TBC1D22A: variants seen among roughly 807,000 people sequenced by gnomAD.
The protein encoded by TBC1D22A is TBC1 domain family member 22A, also known as putative GTPase activator.
TBC1D22A carries 38 observed loss-of-function variants against 60.2 expected under a neutral mutation model. That is an observed-to-expected ratio of 0.63 (90% CI 0.49 to 0.83). The LOEUF (loss-of-function observed/expected upper bound fraction) is 0.83, where lower values mean the gene tolerates loss of function less well. TBC1D22A is among the 40% of genes least tolerant of loss of function. TBC1D22A has a pLI of 0.00. For missense variants in TBC1D22A, 628 were observed against 701.0 expected (o/e 0.90, Z 1.18); for synonymous variants, 302 against 281.7 (o/e 1.07, Z -0.72).
chr22:47,065,635 A>G (rs2063732085), intron 11 of TBC1D22A, among the ~76,000 whole-genome samples: 1 of 152,260 alleles, frequency 6.6e-6, no homozygotes, highest in South Asian at 2.1e-4. Context: ...CAGGCCTCGG[A>G]GTTGGGACTG....
chr22:46,991,761 C>T (rs754756087), intron 9 of TBC1D22A, among the ~76,000 whole-genome samples: 4 of 152,220 alleles, frequency 2.6e-5, no homozygotes, highest in South Asian at 2.1e-4. Context: ...CCGCTGACTC[C>T]GACGTGGCCT....
At chr22:46,957,282 A>G (rs534879272) in intron 8 of TBC1D22A, among the ~76,000 whole-genome samples, 48 of 152,366 alleles carry the variant, frequency 3.2e-4, no homozygotes, top group African/African-American at 1.2e-3. Flanking sequence ...CACTCTGTAA[A>G]GAATACTACC....
chr22:47,088,972 G>A (rs1035427171), intron 11 of TBC1D22A, among the ~76,000 whole-genome samples: 27 of 152,266 alleles, frequency 1.8e-4, no homozygotes, highest in Admixed American at 8.5e-4. Context: ...AGGGGGAAAC[G>A]GATGGAACTC....
At chr22:46,802,570 C>T (rs1333133234) in intron 4 of TBC1D22A, among the ~76,000 whole-genome samples, 1 of 152,272 alleles carries the variant, frequency 6.6e-6, no homozygotes, top group Admixed American at 6.5e-5. Context: ...GGGACCAGGT[C>T]CCCAGGGCTG....
intron 6 of TBC1D22A, among the ~76,000 whole-genome samples, chr22:46,892,226 T>C (rs1981438): frequency 0.58 from 87,575 of 151,546 alleles, 27,564 homozygotes; most frequent in Middle Eastern, 0.78. Flanking sequence ...TTCTAGGTGA[T>C]GGAGCTTTGC....
intron 9 of TBC1D22A, among the ~76,000 whole-genome samples, chr22:46,994,672 A>G (rs188548843): frequency 6.6e-6 from 1 of 152,332 alleles, no homozygotes; most frequent in East Asian, 1.9e-4. Context: ...ACCTCTGTGT[A>G]CTGGAGGCTG....
chr22:47,090,633 T>C (rs2064883599), intron 11 of TBC1D22A, among the ~76,000 whole-genome samples: 2 of 152,174 alleles, frequency 1.3e-5, no homozygotes, highest in Admixed American at 1.3e-4. Flanking sequence ...CTTCGTTTGC[T>C]TGCTCCAGGT....
At chr22:47,041,385 G>A (rs1042345270) in intron 11 of TBC1D22A, among the ~76,000 whole-genome samples, 2 of 152,144 alleles carry the variant, frequency 1.3e-5, no homozygotes, top group African/African-American at 2.4e-5. Context: ...GGTCAGAGCC[G>A]CCTCACACCG....
In TBC1D22A at chr22:47,142,124, A is replaced by G. The variant is rs989767797; in HGVS notation, c.1425+30521A>G. On this transcript the variant is annotated intron_variant, in intron 12 of 12. Transcript: ENST00000337137. ...GACTAGCTCCCTCCAGGTTCCCAGT[A>G]GGAAGATGGGACCTGTGGAGCCTAC... Among the ~76,000 whole-genome samples, 3 of 152,136 alleles carry G rather than the reference A, an allele frequency of 2.0e-5. No individual in the cohort carries two copies. In the South Asian group the frequency reaches 6.2e-4, roughly 32 times the overall value.
In TBC1D22A at chr22:47,138,352, G is replaced by T. The variant is rs534481152; in HGVS notation, c.1425+26749G>T. On this transcript the variant is annotated intron_variant, in intron 12 of 12. Coordinates refer to ENST00000337137, the MANE Select transcript of TBC1D22A (RefSeq NM_014346.5). The stretch of plus-strand genomic sequence containing the variant: ...ACCGTGGACAGTGATGGACCTGCAG[G>T]CTGGGGAGGAGCGAGCAGTAGGACA... 2.1e-4 allele frequency among the ~76,000 whole-genome samples: 32 copies of T among 152,250 alleles called. No homozygotes were observed. The South Asian group carries it at 4.6e-3, about 22-fold the overall frequency.
At chr22:47,070,140 G>C (rs1377682382) in intron 11 of TBC1D22A, among the ~76,000 whole-genome samples, 1 of 145,008 alleles carries the variant, frequency 6.9e-6, no homozygotes, top group Non-Finnish European at 1.5e-5. Context: ...GTTCCCTGTT[G>C]TTTGGTTGGA....
intron 12 of TBC1D22A, among the ~76,000 whole-genome samples, chr22:47,168,769 G>A (rs921094842): frequency 2.0e-5 from 3 of 149,936 alleles, no homozygotes; most frequent in South Asian, 2.1e-4. Flanking sequence ...GGCCTGGCAC[G>A]CGGGGGAGGT....
chr22:47,051,255 C>T (rs1438275003), intron 11 of TBC1D22A, among the ~76,000 whole-genome samples: 1 of 152,178 alleles, frequency 6.6e-6, no homozygotes, highest in Non-Finnish European at 1.5e-5. Context: ...CCTCCAGGTT[C>T]CAGACATAGA....
chr22:46,870,624 G>A (rs1226995555), intron 4 of TBC1D22A, among the ~76,000 whole-genome samples: 2 of 152,064 alleles, frequency 1.3e-5, no homozygotes, highest in South Asian at 2.1e-4. Flanking sequence ...ACCACAGAGT[G>A]GATAATCTGT....
chr22:46,970,656 G>GGACA (rs1294597651), intron 8 of TBC1D22A, among the ~76,000 whole-genome samples: 1 of 152,154 alleles, frequency 6.6e-6, no homozygotes, highest in African/African-American at 2.4e-5. Flanking sequence ...CATGCCTGGC[G>GGACA]GACAGTGTGT....
chr22:46,792,412 T>C lies in TBC1D22A; in HGVS notation c.63-108T>C, dbSNP rs375449996. On this transcript the variant is annotated intron_variant, in intron 1 of 12. Coordinates refer to ENST00000337137, the MANE Select transcript of TBC1D22A (RefSeq NM_014346.5). ...CTGCGACAGCCCATGAGGAGCTGCT[T>C]CCTTCAGTCCTGTGGGTTCCTGGGA... 12 of 1,481,914 alleles carry C rather than the reference T, an allele frequency of 8.1e-6. No homozygotes were observed. In the African/African-American group the frequency reaches 1.5e-4, roughly 19 times the overall value. 91.8% of individuals were successfully genotyped at this position (1,481,914 alleles called of 1,614,324 possible).
rs534945826 is a variant in TBC1D22A at position 46,777,456 on chromosome 22, G to A, written c.62+14608G>A. Reference sequence around the variant, plus strand: ...CCCGTTGACGTGAGGTGGTGGATTCGTGGCTGAGAGTTGGCAGTGGTTTTG... The same window carrying A: ...CCCGTTGACGTGAGGTGGTGGATTCATGGCTGAGAGTTGGCAGTGGTTTTG... On this transcript the variant is annotated intron_variant, in intron 1 of 12. Coordinates refer to ENST00000337137, the MANE Select transcript of TBC1D22A (RefSeq NM_014346.5). The surrounding 1 kb of genome is among the most constrained non-coding windows in gnomAD (Gnocchi z 4.5). 3.3e-5 allele frequency among the ~76,000 whole-genome samples: 5 copies of A among 152,276 alleles called. No individual in the cohort carries two copies. The South Asian group carries it at 1.0e-3, about 32-fold the overall frequency.
At chr22:46,838,887 A>G (rs2147201362) in intron 4 of TBC1D22A, among the ~76,000 whole-genome samples, 1 of 152,364 alleles carries the variant, frequency 6.6e-6, no homozygotes, top group East Asian at 1.9e-4. Flanking sequence ...TAAATCAGGT[A>G]TAGAAGGAAT....
At chr22:47,152,829 C>T (rs987401856) in intron 12 of TBC1D22A, among the ~76,000 whole-genome samples, 2 of 152,044 alleles carry the variant, frequency 1.3e-5, no homozygotes, top group South Asian at 2.1e-4. Flanking sequence ...TGTGACCCTT[C>T]GGGGGAGACG....
Sources: gnomAD v4.1 joint callset for allele counts (sites outside exome capture counted in the v4.1 genomes callset) on GRCh38, gnomAD v4.1.1 for gene constraint, Gnocchi (gnomAD v3.1) non-coding constraint, MANE v1.5 for transcripts, NCBI Gene and HGNC (gene_info 2026-07-23, HGNC 2026-07-21) for gene names.